Variants in DHRS2 observed in about 807,000 individuals in gnomAD.
DHRS2 encodes dehydrogenase/reductase 2, also known as dehydrogenase/reductase SDR family member 2, mitochondrial.
DHRS2 carries 29 observed loss-of-function variants against 26.3 expected under a neutral mutation model. The observed-to-expected ratio is 1.10, with a 90% CI of 0.82 to 1.50. The LOEUF is 1.50. Among genes scored for constraint, DHRS2 ranks in the 40% most tolerant of loss-of-function variants. The pLI is 0.00. For missense variants in DHRS2, 439 were observed against 367.1 expected (o/e 1.20, Z -1.60); for synonymous variants, 164 against 151.3 (o/e 1.08, Z -0.62).
At chr14:23,635,676 C>T (rs111296461), upstream of DHRS2, among the ~76,000 whole-genome samples, 612 of 152,382 alleles carry the variant, frequency 4.0e-3, 4 homozygotes, top group African/African-American at 0.014. Flanking sequence ...GGTGCCTCCT[C>T]GTCCTCCACA....
upstream of DHRS2, among the ~76,000 whole-genome samples, chr14:23,634,814 G>T (rs1467893887): frequency 6.6e-6 from 1 of 152,062 alleles, no homozygotes; most frequent in Non-Finnish European, 1.5e-5. Context: ...GATCATGGGG[G>T]CAGATTTCCC....
chr14:23,631,862 C>T (rs1566694705), upstream of DHRS2, among the ~76,000 whole-genome samples: 1 of 152,156 alleles, frequency 6.6e-6, no homozygotes, highest in Non-Finnish European at 1.5e-5. Context: ...CCCATCCTCC[C>T]AGGCAAAAGA....
intron 1 of DHRS2, among the ~76,000 whole-genome samples, chr14:23,637,002 G>A (rs1425978987): frequency 1.3e-5 from 2 of 152,114 alleles, no homozygotes; most frequent in East Asian, 1.9e-4. Context: ...TGTACTTCTG[G>A]GCTGAGCTGA....
chr14:23,644,244 G>A (rs1171008756), intron 6 of DHRS2, 82 bp downstream of exon 6: 3 of 1,579,724 alleles, frequency 1.9e-6, no homozygotes, highest in Non-Finnish European at 2.6e-6. Context: ...TACAGACAAA[G>A]TGCCTGGGAC....
Position 23,645,427 on chromosome 14 carries a change from A to G in DHRS2, c.*174A>G. On this transcript the variant is annotated 3_prime_UTR_variant, in exon 9 of 9. Transcript: ENST00000250383. ...AAAACGCTTCGGCATTCTCCTTAGG[A>G]CTTATCTGCTTGTAGATTTGGCTGA... The G allele has an allele frequency of 7.5e-7, 1 of 1,341,192 alleles. No homozygotes were observed. Among genetic ancestry groups the G allele is most frequent in the Non-Finnish European group, 1.0e-6 (1 of 989,376 alleles). 83.1% of individuals were successfully genotyped at this position (1,341,192 alleles called of 1,614,324 possible). A position where few individuals can be genotyped will look rare whatever the true frequency, so the allele number is the denominator to read the frequency against.
Position 23,642,820 on chromosome 14 carries a change from G to T in DHRS2, c.421-332G>T, listed in dbSNP as rs573048705. 2.3e-5 allele frequency: 5 copies of T among 221,512 alleles called. No individual in the cohort carries two copies. The South Asian group carries it at 3.6e-4, about 16-fold the overall frequency. The allele number at this position is 221,512 out of a possible 1,614,324, so 13.7% of individuals were successfully genotyped here. The stretch of plus-strand genomic sequence containing the variant: ...TGGCCTTGAGTAATCCTCCCACCTT[G>T]GCCTCCTAAAGTGCTGAGATTACAG... On this transcript the variant is annotated intron_variant, in intron 4 of 8. Coordinates refer to ENST00000250383, the MANE Select transcript of DHRS2 (RefSeq NM_005794.4).
chr14:23,645,387 G>T lies in DHRS2; in HGVS notation c.*134G>T. The T allele has an allele frequency of 1.3e-6, 2 of 1,551,570 alleles. No homozygotes were observed. The highest frequency in any genetic ancestry group is 1.2e-5 in the South Asian group (1 of 85,740). On this transcript the variant is annotated 3_prime_UTR_variant, in exon 9 of 9. Coordinates refer to ENST00000250383, the MANE Select transcript of DHRS2 (RefSeq NM_005794.4). ...CAATTTGGGGGCTTACTCATGCTAGGCTTGAGGAAGAAGAAAAACGCTTCG... is the reference window on the plus strand; with the variant it reads ...CAATTTGGGGGCTTACTCATGCTAGTCTTGAGGAAGAAGAAAAACGCTTCG...
In DHRS2 at chr14:23,639,846, A is replaced by G. The variant is rs776134217; in HGVS notation, c.371A>G (p.Asn124Ser). 3.1e-6 allele frequency: 5 copies of G among 1,609,666 alleles called. No individual in the cohort carries two copies. The African/African-American group carries it at 4.0e-5, about 13-fold the overall frequency. Residue 124 changes from asparagine (N) to serine (S), a missense_variant, in exon 4 of 9, where the codon AAC becomes AGC. Coordinates refer to ENST00000250383, the MANE Select transcript of DHRS2 (RefSeq NM_005794.4). ...VDFLVCSAGV[N>S]PLVGSTLGTS... ...TTCCTGGTGTGCAGCGCAGGGGTCA[A>G]CCCTCTGGTAGGGAGCACTCTGGGG...
At chr14:23,636,924 T>A (rs1203917065) in intron 1 of DHRS2, among the ~76,000 whole-genome samples, 152 bp downstream of exon 1, 1 of 152,152 alleles carries the variant, frequency 6.6e-6, no homozygotes, top group Non-Finnish European at 1.5e-5. Flanking sequence ...GGGAAAGGGA[T>A]CTCTAACAAC....
chr14:23,633,236 G>C (rs535855820), upstream of DHRS2, among the ~76,000 whole-genome samples: 3 of 152,254 alleles, frequency 2.0e-5, no homozygotes, highest in South Asian at 6.2e-4. Flanking sequence ...CTTCTGAAGG[G>C]CCTCCTGAGG....
At chr14:23,640,979 G>C (rs747789985) in intron 4 of DHRS2, 1 of 152,066 alleles carries the variant, frequency 6.6e-6, no homozygotes, top group Non-Finnish European at 1.5e-5. Context: ...TCTTTTTCTC[G>C]AAACTGTTGC....
At chr14:23,643,504 G>A in intron 5 of DHRS2, 1 of 421,348 alleles carries the variant, frequency 2.4e-6, no homozygotes. Flanking sequence ...TTGTGGGCTG[G>A]TCATTGTCAC....
intron 4 of DHRS2, chr14:23,640,370 A>C: frequency 1.0e-6 from 1 of 985,400 alleles, no homozygotes. Context: ...TCCCACACAA[A>C]CTTGCCGACA....
rs537614752 is a variant in DHRS2, at chr14:23,645,635, C to G, written c.*382C>G. On this transcript the variant is annotated 3_prime_UTR_variant, in exon 9 of 9. Coordinates refer to ENST00000250383, the MANE Select transcript of DHRS2 (RefSeq NM_005794.4). ...TTCCTAAAATAAACTCAAATTTATC[C>G]TCAAGTCTGGAAGCATCTGTCAAGG... The G allele has an allele frequency of 3.8e-6, 1 of 266,102 alleles. No homozygotes were observed. Among genetic ancestry groups the G allele is most frequent in the African/African-American group, 2.2e-5 (1 of 45,078 alleles). The allele number at this position is 266,102 out of a possible 1,614,324, so 16.5% of individuals were successfully genotyped here.
intron 1 of DHRS2, chr14:23,630,325 A>G (rs953440394): frequency 2.0e-5 from 3 of 152,362 alleles, no homozygotes; most frequent in African/African-American, 4.8e-5. Flanking sequence ...GGTTGGGTCT[A>G]TAATGACTGG....
chr14:23,638,782 C>A, intron 1 of DHRS2, 45 bp from the exon 2 acceptor site: 1 of 1,524,684 alleles, frequency 6.6e-7, no homozygotes, highest in Non-Finnish European at 8.9e-7. Context: ...TACCTTCATG[C>A]TCACTGAGGC....
At chr14:23,641,370 G>A (rs544170679) in intron 4 of DHRS2, 25 of 249,406 alleles carry the variant, frequency 1.0e-4, no homozygotes, top group African/African-American at 5.4e-4. Context: ...TCCTTCTCCA[G>A]CGACTCCAGC....
intron 5 of DHRS2, 40 bp downstream of exon 5, chr14:23,643,259 A>G: frequency 6.3e-7 from 1 of 1,597,180 alleles, no homozygotes; most frequent in Non-Finnish European, 8.6e-7. Context: ...GGAGTTGGGG[A>G]CCTGAGGTGG....
upstream of DHRS2, chr14:23,636,359 G>C (rs954287635): frequency 2.6e-5 from 4 of 152,142 alleles, no homozygotes; most frequent in Admixed American, 1.3e-4. Flanking sequence ...GCCTGAGCCG[G>C]CAGCAGCAAC....
Sources: gnomAD v4.1 joint callset for allele counts (sites outside exome capture counted in the v4.1 genomes callset) on GRCh38, gnomAD v4.1.1 for gene constraint, MANE v1.5 for transcripts, NCBI Gene and HGNC (gene_info 2026-07-23, HGNC 2026-07-21) for gene names.